The following PBLD variants were observed in gnomAD, a reference collection of about 807,000 sequenced individuals.
PBLD encodes phenazine biosynthesis like protein domain containing.
In PBLD, 26 loss-of-function variants were observed where a neutral mutation model predicts 31.3. That is an observed-to-expected ratio of 0.83 (90% CI 0.61 to 1.15). PBLD has a LOEUF of 1.15. Ranked by LOEUF, PBLD falls within the 50% of genes most tolerant of loss-of-function variation. PBLD has a pLI of 0.00. For synonymous variants in PBLD, 114 were observed against 129.0 expected, an observed-to-expected ratio of 0.88 and a Z score of 0.79; for missense variants, 307 against 351.7, an observed-to-expected ratio of 0.87 and a Z score of 1.02.
Position 68,292,121 on chromosome 10 carries a change from G to C in PBLD, c.393+8C>G, listed in dbSNP as rs753272811. On this transcript the variant is annotated splice_region_variant and intron_variant, in intron 5 of 9. Coordinates refer to ENST00000358769, the MANE Select transcript of PBLD (RefSeq NM_022129.4). ...GATGGCTTAGGGCAATAATTACAAA[G>C]AGCTGACCTGGGGGTGGGCTGGATA... 11 of 1,610,586 alleles carry C rather than the reference G, an allele frequency of 6.8e-6. No homozygotes were observed. The Admixed American group carries it at 1.0e-4, about 15-fold the overall frequency.
chr10:68,306,846 T>C lies in PBLD; in HGVS notation c.-2A>G, dbSNP rs2044587607. 6.2e-7 allele frequency: 1 copy of C among 1,605,144 alleles called. No homozygotes were observed. Among genetic ancestry groups the C allele is most frequent in the African/African-American group, 1.3e-5 (1 of 74,814 alleles). ...TGCTATGAAAATAGGAAGCTTCATT[T>C]TCCTTGCAAGCTGTTTTTGCAAGTT... On this transcript the variant is annotated 5_prime_UTR_variant, in exon 2 of 10. Transcript: ENST00000358769.
intron 1 of PBLD, among the ~76,000 whole-genome samples, chr10:68,326,305 G>A (rs2044919584): frequency 6.6e-6 from 1 of 152,168 alleles, no homozygotes; most frequent in South Asian, 2.1e-4. Flanking sequence ...CTACTAGAGT[G>A]CTGGGATTAC....
In PBLD at chr10:68,292,109, A is replaced by G. The variant is rs373906899; in HGVS notation, c.393+20T>C. 2.5e-6 allele frequency: 4 copies of G among 1,608,032 alleles called. No individual in the cohort carries two copies. The highest frequency in any genetic ancestry group is 2.7e-5 in the African/African-American group (2 of 74,778). On this transcript the variant is annotated intron_variant, in intron 5 of 9. Transcript: ENST00000358769. ...CTGTCGGTTGTAGATGGCTTAGGGCAATAATTACAAAGAGCTGACCTGGGG... is the reference window on the plus strand; with the variant it reads ...CTGTCGGTTGTAGATGGCTTAGGGCGATAATTACAAAGAGCTGACCTGGGG...
intron 2 of PBLD, among the ~76,000 whole-genome samples, chr10:68,301,057 C>A (rs566671551): frequency 5.3e-5 from 8 of 152,094 alleles, no homozygotes; most frequent in African/African-American, 1.9e-4. Flanking sequence ...CCACCATACC[C>A]GGCTGATTTT....
chr10:68,309,406 CAAAAAAA>C (rs58152894), intron 1 of PBLD, among the ~76,000 whole-genome samples: 5 of 114,722 alleles, frequency 4.4e-5, no homozygotes, highest in African/African-American at 1.5e-4. Context: ...GATTATGTTT[CAAAAAAA>C]AAAAAAAAAA....
chr10:68,316,951 T>C lies in PBLD; in HGVS notation c.-59-10048A>G, dbSNP rs540097516. Among the ~76,000 whole-genome samples, 4 of 152,252 alleles carry C rather than the reference T, an allele frequency of 2.6e-5. No homozygotes were observed. In the East Asian group the frequency reaches 7.7e-4, roughly 29 times the overall value. On this transcript the variant is annotated intron_variant, in intron 1 of 9. Transcript: ENST00000358769. ...TCGCTTGAGACCCGGAGATGGAGGT[T>C]GCAGTGAGCTGAGATCATGCCACTG...
chr10:68,308,066 C>T (rs1439629242), intron 1 of PBLD, among the ~76,000 whole-genome samples: 1 of 152,018 alleles, frequency 6.6e-6, no homozygotes, highest in East Asian at 1.9e-4. Flanking sequence ...AGGATAGATC[C>T]CAGGACCCCC....
At chr10:68,288,240 G>A (rs2044312517) in intron 8 of PBLD, 1 of 490,796 alleles carries the variant, frequency 2.0e-6, no homozygotes, top group African/African-American at 1.9e-5. Flanking sequence ...TCAAAAGCTA[G>A]GAAGCTAGGA....
At chr10:68,291,523 T>C (rs1432283781) in intron 6 of PBLD, among the ~76,000 whole-genome samples, 1 of 152,188 alleles carries the variant, frequency 6.6e-6, no homozygotes, top group African/African-American at 2.4e-5. Flanking sequence ...GGTTCCATTT[T>C]TTCCCTCCAT....
intron 8 of PBLD, chr10:68,286,943 C>A (rs2044295669): frequency 1.3e-5 from 2 of 152,048 alleles, no homozygotes; most frequent in South Asian, 4.1e-4. Flanking sequence ...GCCTGGCCAA[C>A]ATGGCAAAAC....
In PBLD at chr10:68,296,331, G is replaced by A. The variant is rs201634254; in HGVS notation, c.218C>T (p.Ala73Val). ...ATGGCCACAGAGTGGGACCTCACTCGCTGGTGTAAACCATCTCAGTCCAAA... is the reference window on the plus strand; with the variant it reads ...ATGGCCACAGAGTGGGACCTCACTCACTGGTGTAAACCATCTCAGTCCAAA... ...SCFGLRWFTP[A>V]SEVPLCGHAT... Residue 73 changes from alanine (A) to valine (V), a missense_variant, in exon 4 of 10, where the codon GCG becomes GTG. Physicochemically the swap from Ala to Val is moderately conservative, Grantham distance 64. Transcript: ENST00000358769. The A allele has an allele frequency of 4.7e-5, 76 of 1,614,006 alleles. No homozygotes were observed. The highest frequency in any genetic ancestry group is 1.6e-4 in the South Asian group (15 of 91,082).
At chr10:68,325,641 C>A (rs2044907987) in intron 1 of PBLD, among the ~76,000 whole-genome samples, 1 of 152,234 alleles carries the variant, frequency 6.6e-6, no homozygotes, top group Admixed American at 6.5e-5. Flanking sequence ...GGGTAGCACA[C>A]AAACTTCTCC....
chr10:68,295,440 C>G (rs2044411578), intron 4 of PBLD, among the ~76,000 whole-genome samples: 1 of 150,236 alleles, frequency 6.7e-6, no homozygotes, highest in Non-Finnish European at 1.5e-5. Flanking sequence ...TTGCAGTGAA[C>G]TGATATCCTG....
chr10:68,319,162 A>G (rs1164168031), intron 1 of PBLD, among the ~76,000 whole-genome samples: 1 of 151,924 alleles, frequency 6.6e-6, no homozygotes, highest in Non-Finnish European at 1.5e-5. Context: ...ACAAGAAAAT[A>G]TCTAGTTGGG....
intron 2 of PBLD, 92 bp from the exon 3 acceptor site, chr10:68,297,077 G>T: frequency 1.0e-6 from 1 of 977,202 alleles, no homozygotes; most frequent in East Asian, 2.4e-5. Context: ...AAGCAGTTTA[G>T]CAATAATAAG....
At chr10:68,299,426 C>T (rs932901853) in intron 2 of PBLD, among the ~76,000 whole-genome samples, 1 of 152,250 alleles carries the variant, frequency 6.6e-6, no homozygotes, top group Admixed American at 6.5e-5. Flanking sequence ...ATTCACTTCT[C>T]TGAGTTATCC....
At chr10:68,325,144 T>G (rs2044898451) in intron 1 of PBLD, among the ~76,000 whole-genome samples, 1 of 151,858 alleles carries the variant, frequency 6.6e-6, no homozygotes, top group Non-Finnish European at 1.5e-5. Context: ...CTCGGGAGGC[T>G]GAGGCAGGAG....
chr10:68,308,701 A>T (rs1433142457), intron 1 of PBLD, among the ~76,000 whole-genome samples: 1 of 150,122 alleles, frequency 6.7e-6, no homozygotes, highest in Non-Finnish European at 1.5e-5. Flanking sequence ...GGCACGTGCC[A>T]CCACACCTGG....
At chr10:68,312,097 T>C (rs1034903133) in intron 1 of PBLD, among the ~76,000 whole-genome samples, 2 of 152,262 alleles carry the variant, frequency 1.3e-5, no homozygotes, top group Admixed American at 1.3e-4. Flanking sequence ...TATCCATTCA[T>C]TGAGGAACAG....
Sources: gnomAD v4.1 joint callset for allele counts (sites outside exome capture counted in the v4.1 genomes callset) on GRCh38, gnomAD v4.1.1 for gene constraint, MANE v1.5 for transcripts, NCBI Gene and HGNC (gene_info 2026-07-23, HGNC 2026-07-21) for gene names.